The following CD8B2 variants were observed in gnomAD, a reference collection of about 807,000 sequenced individuals.
CD8B2 encodes T-cell surface glycoprotein CD8 beta-2 chain.
CD8B2 carries 11 observed loss-of-function variants against 23.7 expected under a neutral mutation model. The ratio of observed to expected loss-of-function variants is 0.46; its 90% CI spans 0.29 to 0.77. The LOEUF (loss-of-function observed/expected upper bound fraction) is 0.77, where lower values mean the gene tolerates loss of function less well. CD8B2 is among the 30% of genes least tolerant of loss of function. CD8B2 has a pLI of 0.09. For missense variants in CD8B2, 197 were observed against 270.5 expected, an observed-to-expected ratio of 0.73 and a Z score of 1.91; for synonymous variants, 90 against 109.3, an observed-to-expected ratio of 0.82 and a Z score of 1.10.
At chr2:106,496,013 G>T (rs1403819874) in intron 2 of CD8B2, among the ~76,000 whole-genome samples, 160 bp from the exon 3 acceptor site, 1 of 151,980 alleles carries the variant, frequency 6.6e-6, no homozygotes, top group Admixed American at 6.6e-5. Context: ...TGCCCAGGCT[G>T]GTCTCAACCT....
chr2:106,543,964 A>G, intron 5 of CD8B2: 1 of 398,584 alleles, frequency 2.5e-6, no homozygotes, highest in Non-Finnish European at 4.4e-6. Flanking sequence ...GTTCTTCTCT[A>G]CTCATGAAAG....
chr2:106,492,495 A>G (rs1679214228), intron 2 of CD8B2, among the ~76,000 whole-genome samples: 1 of 152,236 alleles, frequency 6.6e-6, no homozygotes. Context: ...CATATGGCTC[A>G]TCTCGATTCA....
chr2:106,536,038 T>G (rs1411256034), intron 5 of CD8B2, among the ~76,000 whole-genome samples: 1 of 150,558 alleles, frequency 6.6e-6, no homozygotes, highest in African/African-American at 2.4e-5. Context: ...CACTTTTTTT[T>G]TTTTTTTTTT....
chr2:106,543,146 A>G (rs1680203384), intron 5 of CD8B2: 1 of 152,184 alleles, frequency 6.6e-6, no homozygotes, highest in Admixed American at 6.5e-5. Context: ...CGGGCTTCTC[A>G]TGTTTCTCTT....
At chr2:106,497,216 T>C (rs1679315791) in intron 3 of CD8B2, among the ~76,000 whole-genome samples, 2 of 152,174 alleles carry the variant, frequency 1.3e-5, no homozygotes, top group Non-Finnish European at 2.9e-5. Flanking sequence ...GAGATTGAAG[T>C]GAGCTGAGAT....
chr2:106,499,053 G>A (rs1472479064), intron 3 of CD8B2, among the ~76,000 whole-genome samples: 1 of 152,068 alleles, frequency 6.6e-6, no homozygotes, highest in Non-Finnish European at 1.5e-5. Flanking sequence ...CCTTACCCAA[G>A]CACGTTATTT....
intron 5 of CD8B2, among the ~76,000 whole-genome samples, chr2:106,525,916 C>T (rs1295522966): frequency 2.0e-5 from 3 of 152,094 alleles, no homozygotes; most frequent in Admixed American, 6.6e-5. Context: ...TTTATCTGTA[C>T]GAGGCCAAAG....
chr2:106,500,376 G>A (rs10193246), intron 3 of CD8B2, among the ~76,000 whole-genome samples: 135,754 of 135,758 alleles, frequency 1, 67,875 homozygotes, highest in Middle Eastern at 1. Context: ...AAAATCAGCC[G>A]GGTGTGGTGA....
At chr2:106,492,015 C>G (rs1227923514) in intron 2 of CD8B2, among the ~76,000 whole-genome samples, 1 of 152,140 alleles carries the variant, frequency 6.6e-6, no homozygotes, top group Non-Finnish European at 1.5e-5. Context: ...CTGATATACC[C>G]AGTGAGGGCA....
chr2:106,501,852 C>T (rs1679414321), intron 3 of CD8B2, among the ~76,000 whole-genome samples: 1 of 152,168 alleles, frequency 6.6e-6, no homozygotes, highest in African/African-American at 2.4e-5. Flanking sequence ...AAAATATATT[C>T]AGCTATTTCT....
At chr2:106,542,869 T>A (rs11896846) in intron 5 of CD8B2, 1 of 151,920 alleles carries the variant, frequency 6.6e-6, no homozygotes, top group African/African-American at 2.4e-5. Flanking sequence ...GCTTATCAAC[T>A]GAGCAGTGCC....
rs531575314 is a variant in CD8B2 at position 106,536,251 on chromosome 2, C to G, written c.621-7741C>G. Reference sequence around the variant, plus strand: ...TTCTCCATGTTGGTCAGGCTGGTCTCGAACTCCTGACTTCAGGTGATCCGC... The same window carrying G: ...TTCTCCATGTTGGTCAGGCTGGTCTGGAACTCCTGACTTCAGGTGATCCGC... On this transcript the variant is annotated intron_variant, in intron 5 of 5. Coordinates refer to the CD8B2 transcript ENST00000416057. Among the ~76,000 whole-genome samples, 6 of 152,118 alleles carry G rather than the reference C, an allele frequency of 3.9e-5. No individual in the cohort carries two copies. In the East Asian group the frequency reaches 1.2e-3, roughly 29 times the overall value.
intron 5 of CD8B2, chr2:106,543,363 C>T (rs1680206802): frequency 6.6e-6 from 1 of 151,886 alleles, no homozygotes; most frequent in African/African-American, 2.4e-5. Context: ...CCCCTCTTTA[C>T]AAAAAAATAA....
At chr2:106,514,175 G>A (rs575262910), downstream of CD8B2, among the ~76,000 whole-genome samples, 172 of 148,580 alleles carry the variant, frequency 1.2e-3, 3 homozygotes, top group Admixed American at 5.7e-3. Flanking sequence ...CTTATCAGTG[G>A]GAGAGGGAGT....
At chr2:106,516,849 G>A (rs1165661747) in intron 5 of CD8B2, among the ~76,000 whole-genome samples, 1 of 150,392 alleles carries the variant, frequency 6.6e-6, no homozygotes, top group African/African-American at 2.4e-5. Flanking sequence ...TCATTACCAG[G>A]CTTTTTCAAA....
At chr2:106,494,733 G>A (rs1679266261) in intron 2 of CD8B2, among the ~76,000 whole-genome samples, 1 of 152,128 alleles carries the variant, frequency 6.6e-6, no homozygotes, top group Non-Finnish European at 1.5e-5. Context: ...ATGAAGGAGA[G>A]GGGTGACCCA....
intron 5 of CD8B2, among the ~76,000 whole-genome samples, chr2:106,506,051 C>G (rs1679499439): frequency 6.6e-6 from 1 of 152,118 alleles, no homozygotes; most frequent in South Asian, 2.1e-4. Flanking sequence ...AAGAGAATCG[C>G]TTGAACCCCG....
chr2:106,521,072 C>T (rs537753299), intron 5 of CD8B2, among the ~76,000 whole-genome samples: 3 of 146,432 alleles, frequency 2.0e-5, no homozygotes, highest in East Asian at 4.1e-4. Flanking sequence ...GAGAGAGAGA[C>T]AGATGCGAGA....
At chr2:106,497,202 G>A (rs1679315422) in intron 3 of CD8B2, among the ~76,000 whole-genome samples, 1 of 152,184 alleles carries the variant, frequency 6.6e-6, no homozygotes, top group Admixed American at 6.5e-5. Flanking sequence ...GAGCCTGGGA[G>A]GTGGAGATTG....
Sources: gnomAD v4.1 joint callset for allele counts (sites outside exome capture counted in the v4.1 genomes callset) on GRCh38, gnomAD v4.1.1 for gene constraint, MANE v1.5 for transcripts, NCBI Gene and HGNC (gene_info 2026-07-23, HGNC 2026-07-21) for gene names.